Variants in OXNAD1 observed in about 807,000 individuals in gnomAD.
OXNAD1 encodes the protein oxidoreductase NAD binding domain containing 1, also known as oxidoreductase NAD-binding domain-containing protein 1.
In OXNAD1, 34 loss-of-function variants were observed where a neutral mutation model predicts 32.9. The ratio of observed to expected loss-of-function variants is 1.03; its 90% CI spans 0.79 to 1.38. OXNAD1 has a LOEUF of 1.38. Ranked by LOEUF, OXNAD1 falls within the 40% of genes most tolerant of loss-of-function variation. The probability of loss-of-function intolerance (pLI) is 0.00; values close to 1 mark genes in which losing one functional copy is unlikely to be tolerated. For synonymous variants in OXNAD1, 134 were observed against 135.2 expected (o/e 0.99, Z 0.06); for missense variants, 407 against 379.4 (o/e 1.07, Z -0.60).
chr3:16,320,358 G>A lies in OXNAD1; in HGVS notation c.*31-16754G>A, dbSNP rs1170990076. On this transcript the variant is annotated intron_variant, in intron 9 of 9. Transcript: ENST00000435829. The surrounding 1 kb of genome is among the most constrained non-coding windows in gnomAD (Gnocchi z 4.5). The stretch of plus-strand genomic sequence containing the variant: ...GAAGACTAAATATGCCACATCCTCG[G>A]TGTGCCAATCTTGCAGTTTCTTTTC... Among the ~76,000 whole-genome samples, 1 of 152,184 alleles carries A rather than the reference G, an allele frequency of 6.6e-6. No individual in the cohort carries two copies. The highest frequency in any genetic ancestry group is 1.5e-5 in the Non-Finnish European group (1 of 68,038).
In OXNAD1 at chr3:16,302,546, G is replaced by A; in HGVS notation, c.676-94G>A. 1.2e-6 allele frequency: 1 copy of A among 802,028 alleles called. No homozygotes were observed. The highest frequency in any genetic ancestry group is 2.1e-6 in the Non-Finnish European group (1 of 480,438). 49.7% of individuals were successfully genotyped at this position (802,028 alleles called of 1,614,324 possible). A position where few individuals can be genotyped will look rare whatever the true frequency, so the allele number is the denominator to read the frequency against. Reference sequence around the variant, plus strand: ...TAGAGAGCGAGAGCGGCAGACGTGTGCAGAATGGGAGTTGAGGTTCAGCGT... The same window carrying A: ...TAGAGAGCGAGAGCGGCAGACGTGTACAGAATGGGAGTTGAGGTTCAGCGT... On this transcript the variant is annotated intron_variant, in intron 7 of 8. Transcript: ENST00000285083. This position sits in a 1 kb window ranked among gnomAD's most constrained non-coding sequence, Gnocchi z 4.2.
Position 16,302,383 on chromosome 3 carries a change from T to C in OXNAD1, c.676-257T>C, listed in dbSNP as rs1465175750. Reference sequence around the variant, plus strand: ...AAACTGCTGCTTAATTGCCAATGCTTGAGAAAAAGGAAAAAGAAAAAACTC... The same window carrying C: ...AAACTGCTGCTTAATTGCCAATGCTCGAGAAAAAGGAAAAAGAAAAAACTC... On this transcript the variant is annotated intron_variant, in intron 7 of 8. Coordinates refer to ENST00000285083, the MANE Select transcript of OXNAD1 (RefSeq NM_138381.5). The surrounding 1 kb of genome is among the most constrained non-coding windows in gnomAD (Gnocchi z 4.2). 6.6e-6 allele frequency among the ~76,000 whole-genome samples: 1 copy of C among 152,126 alleles called. No homozygotes were observed. Among genetic ancestry groups the C allele is most frequent in the Non-Finnish European group, 1.5e-5 (1 of 68,020 alleles).
chr3:16,267,707 T>C (rs1198404509), intron 1 of OXNAD1, among the ~76,000 whole-genome samples: 4 of 152,190 alleles, frequency 2.6e-5, no homozygotes, highest in African/African-American at 7.2e-5. Context: ...TCTATAATTA[T>C]CTTGTTATTT....
Position 16,301,876 on chromosome 3 carries a change from A to G in OXNAD1, c.675+8A>G. The G allele has an allele frequency of 6.2e-7, 1 of 1,611,716 alleles. No individual in the cohort carries two copies. The highest frequency in any genetic ancestry group is 8.5e-7 in the Non-Finnish European group (1 of 1,178,212). The stretch of plus-strand genomic sequence containing the variant: ...AGCGAACTCCTGTTTAAGGTAAGGG[A>G]GGTATAGCTTGCTGTAAGCAAACTT... On this transcript the variant is annotated splice_region_variant and intron_variant, in intron 7 of 8. Coordinates refer to ENST00000285083, the MANE Select transcript of OXNAD1 (RefSeq NM_138381.5). The surrounding 1 kb of genome is among the most constrained non-coding windows in gnomAD (Gnocchi z 4.1).
chr3:16,349,269 C>G (rs1189027390), exon 10 of OXNAD1: 1 of 152,250 alleles, frequency 6.6e-6, no homozygotes, highest in Non-Finnish European at 1.5e-5. Context: ...GCAAGAAATA[C>G]AGGCATGCTG....
At position 16,319,096 on chromosome 3, in the gene OXNAD1, G is replaced by A. The variant is rs146593545; in HGVS notation, c.*30+15504G>A. On this transcript the variant is annotated intron_variant, in intron 9 of 9. Coordinates refer to the OXNAD1 transcript ENST00000435829. Reference sequence around the variant, plus strand: ...TGCTGCCCTGTGTTAGGCAGCTGCCGTTGCATTTTAATTCCAGCCCAAATG... The same window carrying A: ...TGCTGCCCTGTGTTAGGCAGCTGCCATTGCATTTTAATTCCAGCCCAAATG... Among the ~76,000 whole-genome samples, 28 of 152,288 alleles carry A rather than the reference G, an allele frequency of 1.8e-4. 2 individuals are homozygous for A. The East Asian group carries it at 5.2e-3, about 28-fold the overall frequency.
intron 4 of OXNAD1, among the ~76,000 whole-genome samples, chr3:16,282,820 CT>C (rs11379565): frequency 0.016 from 1,151 of 71,952 alleles, 2 homozygotes; most frequent in East Asian, 0.049. Flanking sequence ...GGACTTTCAG[CT>C]TTTTTTTTTT....
In OXNAD1 at chr3:16,337,163, G is replaced by C. The variant is rs1043438224; in HGVS notation, c.*82G>C. ...GCCCAGGCTAGCCTTCGGATGATGA[G>C]AGACCTGTGGCCCTGCTAAGCAGCA... On this transcript the variant is annotated 3_prime_UTR_variant, in exon 10 of 10. Transcript: ENST00000435829. The surrounding 1 kb of genome is among the most constrained non-coding windows in gnomAD (Gnocchi z 5.0). 1.3e-5 allele frequency: 2 copies of C among 152,218 alleles called. No homozygotes were observed. Among genetic ancestry groups the C allele is most frequent in the African/African-American group, 4.8e-5 (2 of 41,448 alleles). The allele number at this position is 152,218 out of a possible 1,614,324, so 9.4% of individuals were successfully genotyped here.
At position 16,290,884 on chromosome 3, in the gene OXNAD1, G is replaced by A. The variant is rs1286705720; in HGVS notation, c.291-3972G>A. Among the ~76,000 whole-genome samples, 13 of 152,120 alleles carry A rather than the reference G, an allele frequency of 8.5e-5. No individual in the cohort carries two copies. The highest frequency in any genetic ancestry group is 5.2e-4 in the Admixed American group (8 of 15,264). ...GCTTTTCTTTTAGGCCTGTATGTAG[G>A]TAAGCAACTGGGGAAGGATGATACT... On this transcript the variant is annotated intron_variant, in intron 5 of 8. Transcript: ENST00000285083. This position sits in a 1 kb window ranked among gnomAD's most constrained non-coding sequence, Gnocchi z 4.2.
Position 16,265,226 on chromosome 3 carries a change from T to G in OXNAD1, c.-438T>G. On this transcript the variant is annotated 5_prime_UTR_variant, in exon 1 of 9. Coordinates refer to ENST00000285083, the MANE Select transcript of OXNAD1 (RefSeq NM_138381.5). The surrounding 1 kb of genome is among the most constrained non-coding windows in gnomAD (Gnocchi z 4.8). Reference sequence around the variant, plus strand: ...GGGACCGCGGAGTATTCCAGGCGCCTGCAACTAAACGTGGCCGGGTCTGCA... The same window carrying G: ...GGGACCGCGGAGTATTCCAGGCGCCGGCAACTAAACGTGGCCGGGTCTGCA... 2 of 282,078 alleles carry G rather than the reference T, an allele frequency of 7.1e-6. No individual in the cohort carries two copies. Among genetic ancestry groups the G allele is most frequent in the South Asian group, 1.1e-4 (2 of 18,244 alleles). 17.5% of individuals were successfully genotyped at this position (282,078 alleles called of 1,614,324 possible).
chr3:16,338,635 G>A (rs1368801353), downstream of OXNAD1, among the ~76,000 whole-genome samples: 1 of 152,208 alleles, frequency 6.6e-6, no homozygotes, highest in East Asian at 1.9e-4. The surrounding 1 kb of genome is among the most constrained non-coding windows in gnomAD (Gnocchi z 5.3). Flanking sequence ...TGGCTTTGAT[G>A]AGAGAGAAAA....
At position 16,345,550 on chromosome 3, in the gene OXNAD1, G is replaced by A. The variant is rs1382590072; in HGVS notation, c.*31-3626G>A. 1.3e-5 allele frequency among the ~76,000 whole-genome samples: 2 copies of A among 152,104 alleles called. No homozygotes were observed. The highest frequency in any genetic ancestry group is 2.9e-5 in the Non-Finnish European group (2 of 68,028). ...CATTGAGGACCTGAACAGAACAAAGGGTGGAGGAAGGCTGAATTAACACCG... is the reference window on the plus strand; with the variant it reads ...CATTGAGGACCTGAACAGAACAAAGAGTGGAGGAAGGCTGAATTAACACCG... On this transcript the variant is annotated intron_variant, in intron 9 of 9. Coordinates refer to the OXNAD1 transcript ENST00000606098. The surrounding 1 kb of genome is among the most constrained non-coding windows in gnomAD (Gnocchi z 5.2).
At chr3:16,340,023 C>T (rs1372337775), downstream of OXNAD1, among the ~76,000 whole-genome samples, 1 of 152,136 alleles carries the variant, frequency 6.6e-6, no homozygotes, top group Admixed American at 6.5e-5. Flanking sequence ...GGGTATTTTG[C>T]ATGTGGAAGT....
chr3:16,343,504 A>G (rs78549516), intron 9 of OXNAD1, among the ~76,000 whole-genome samples: 13 of 152,284 alleles, frequency 8.5e-5, no homozygotes, highest in South Asian at 4.1e-4. Flanking sequence ...TGTCTCCCGC[A>G]TCACTGTCAC....
In OXNAD1 at chr3:16,284,024, G is replaced by A. The variant is rs1315234958; in HGVS notation, c.184-2318G>A. Among the ~76,000 whole-genome samples the A allele has an allele frequency of 6.6e-6, 1 of 152,200 alleles. No homozygotes were observed. The highest frequency in any genetic ancestry group is 1.9e-4 in the East Asian group (1 of 5,194). ...CAAGGAAAAAGGGAAGATTCTGTGG[G>A]CTATAGAAGAGCTGATTGTCTCAGT... is the stretch of plus-strand genomic sequence containing the variant. On this transcript the variant is annotated intron_variant, in intron 4 of 8. Coordinates refer to ENST00000285083, the MANE Select transcript of OXNAD1 (RefSeq NM_138381.5). The surrounding 1 kb of genome is among the most constrained non-coding windows in gnomAD (Gnocchi z 4.1).
chr3:16,273,011 T>C (rs1451894003), intron 4 of OXNAD1, among the ~76,000 whole-genome samples: 1 of 152,186 alleles, frequency 6.6e-6, no homozygotes, highest in Admixed American at 6.5e-5. Flanking sequence ...TCTTTGATTT[T>C]ATAATGTGAA....
intron 4 of OXNAD1, chr3:16,272,251 A>G (rs1423542338): frequency 1.7e-5 from 7 of 418,802 alleles, no homozygotes; most frequent in Admixed American, 9.1e-5. Flanking sequence ...TATTCAGACT[A>G]TAGAAAGCTA....
In OXNAD1 at chr3:16,289,706, C is replaced by T. The variant is rs1221699609; in HGVS notation, c.290+3258C>T. ...ATCTTTTTCAAACTGTGTCCTCCCCCATTACTCATCTGGTAAGCATTGTGT... is the reference window on the plus strand; with the variant it reads ...ATCTTTTTCAAACTGTGTCCTCCCCTATTACTCATCTGGTAAGCATTGTGT... On this transcript the variant is annotated intron_variant, in intron 5 of 8. Transcript: ENST00000285083. This position sits in a 1 kb window ranked among gnomAD's most constrained non-coding sequence, Gnocchi z 4.9. Among the ~76,000 whole-genome samples the T allele has an allele frequency of 6.6e-6, 1 of 152,192 alleles. No individual in the cohort carries two copies. The highest frequency in any genetic ancestry group is 2.1e-4 in the South Asian group (1 of 4,828).
At chr3:16,306,410 A>G (rs186450388), downstream of OXNAD1, among the ~76,000 whole-genome samples, 1 of 152,324 alleles carries the variant, frequency 6.6e-6, no homozygotes, top group African/African-American at 2.4e-5. Flanking sequence ...TAACAGATAC[A>G]TCACCTCAGC....
Sources: gnomAD v4.1 joint callset for allele counts (sites outside exome capture counted in the v4.1 genomes callset) on GRCh38, gnomAD v4.1.1 for gene constraint, Gnocchi (gnomAD v3.1) non-coding constraint, MANE v1.5 for transcripts, NCBI Gene and HGNC (gene_info 2026-07-23, HGNC 2026-07-21) for gene names.